Variants in LIPE observed in about 807,000 individuals in gnomAD.
The protein encoded by LIPE is lipase E, hormone sensitive type, also known as hormone-sensitive lipase.
Under a neutral mutation model 88.5 loss-of-function variants are expected in LIPE, and 66 were observed. That is an observed-to-expected ratio of 0.75 (90% confidence interval 0.61 to 0.91). The LOEUF is 0.91. Ranked by LOEUF, LIPE falls within the 40% of genes least tolerant of loss-of-function variation. The probability of loss-of-function intolerance (pLI) is 0.00; values close to 1 mark genes in which losing one functional copy is unlikely to be tolerated. For missense variants in LIPE, 1,346 were observed against 1,434.7 expected, an observed-to-expected ratio of 0.94 and a Z score of 1.00; for synonymous variants, 570 against 617.5, an observed-to-expected ratio of 0.92 and a Z score of 1.14.
chr19:42,407,707 C>T lies in LIPE; in HGVS notation c.1741G>A (p.Ala581Thr). 1 of 1,585,262 alleles carries T rather than the reference C, an allele frequency of 6.3e-7. No individual in the cohort carries two copies. Among genetic ancestry groups the T allele is most frequent in the African/African-American group, 1.4e-5 (1 of 73,992 alleles). Residue 581 changes from alanine to threonine, a missense_variant, in exon 5 of 10, where the codon GCC becomes ACC. By Grantham distance (58) the Ala-to-Thr change is moderately conservative (BLOSUM62 0). Transcript: ENST00000244289. The surrounding 1 kb of genome is among the most constrained non-coding windows in gnomAD (Gnocchi z 5.8). ...PPEAFEMPLTADPTLTVTISP... is the reference protein window; with the variant it reads ...PPEAFEMPLTTDPTLTVTISP... Reference sequence around the variant, plus strand: ...ATGGTGACCGTGAGCGTGGGGTCGGCAGTCAGTGGCATCTCAAAGGCTTCG... The same window carrying T: ...ATGGTGACCGTGAGCGTGGGGTCGGTAGTCAGTGGCATCTCAAAGGCTTCG...
In LIPE at chr19:42,403,984, A is replaced by G. The variant is rs558910528; in HGVS notation, c.2543-953T>C. Among the ~76,000 whole-genome samples, 137 of 152,180 alleles carry G rather than the reference A, an allele frequency of 9.0e-4. 1 individual carries two copies. The highest frequency in any genetic ancestry group is 3.2e-3 in the African/African-American group (131 of 41,530). ...CACTTCCAGCCCACCTGGCGTGCCCAGCTTGGCCTCAGCTCTGTTCATTTT... is the reference window on the plus strand; with the variant it reads ...CACTTCCAGCCCACCTGGCGTGCCCGGCTTGGCCTCAGCTCTGTTCATTTT... On this transcript the variant is annotated intron_variant, in intron 8 of 9. Transcript: ENST00000244289.
chr19:42,426,368 C>T lies in LIPE; in HGVS notation c.782G>A (p.Gly261Asp). Residue 261 changes from glycine to aspartate, a missense_variant, in exon 1 of 10, where the codon GGC (glycine) becomes GAC (aspartate). By Grantham distance (94) the Gly-to-Asp change is moderately conservative. Transcript: ENST00000244289. ...TTTATAACCAGATTTTCCTTTGAAG[C>T]CTAGCTTCACTCCCTGGGCCACCAT... is the stretch of plus-strand genomic sequence containing the variant. Reference protein sequence around the residue: ...GGMVAQGVKLGFKGKSGYKVM... With the variant: ...GGMVAQGVKLDFKGKSGYKVM... 2.5e-6 allele frequency: 4 copies of T among 1,614,010 alleles called. No homozygotes were observed. Among genetic ancestry groups the T allele is most frequent in the East Asian group, 2.2e-5 (1 of 44,874 alleles).
In LIPE at chr19:42,406,219, G is replaced by T; in HGVS notation, c.2307C>A (p.Ser769Arg). 6.2e-7 allele frequency: 1 copy of T among 1,613,882 alleles called. No homozygotes were observed. Among genetic ancestry groups the T allele is most frequent in the South Asian group, 1.1e-5 (1 of 91,060 alleles). ...TGAGGGGCAGCAAGGGGTCCATGAGGCTCAGCAGGCGGGAGGGAGAGGCGG... is the reference window on the plus strand; with the variant it reads ...TGAGGGGCAGCAAGGGGTCCATGAGTCTCAGCAGGCGGGAGGGAGAGGCGG... ...QPAASPSRLL[S>R]LMDPLLPLSV... Residue 769 changes from serine (S) to arginine (R), a missense_variant, in exon 7 of 10, where the codon AGC (serine) becomes AGA (arginine). Transcript: ENST00000244289. This position sits in a 1 kb window ranked among gnomAD's most constrained non-coding sequence, Gnocchi z 5.7.
At chr19:42,424,010 G>C (rs950355448) in intron 1 of LIPE, 65 of 1,178,628 alleles carry the variant, frequency 5.5e-5, no homozygotes, top group East Asian at 1.8e-4. Context: ...TGCCTGGGGT[G>C]GGGGCGGGCC....
At position 42,426,692 on chromosome 19, in the gene LIPE, G is replaced by A. The variant is rs758753124; in HGVS notation, c.458C>T (p.Ala153Val). ...PGEPPPAQQE[A>V]ESTPAAQAKP... is the part of the protein sequence containing the mutation. Reference sequence around the variant, plus strand: ...AGCCTGGGCCGCAGGTGTTGATTCAGCTTCTTGTTGAGCTGGAGGTGGCTC... The same window carrying A: ...AGCCTGGGCCGCAGGTGTTGATTCAACTTCTTGTTGAGCTGGAGGTGGCTC... The change falls in exon 1 of 10, where the codon GCT becomes GTT. Residue 153 changes from alanine (A) to valine (V), a missense_variant. Transcript: ENST00000244289. 7.4e-6 allele frequency: 12 copies of A among 1,614,098 alleles called. No homozygotes were observed. Among genetic ancestry groups the A allele is most frequent in the Non-Finnish European group, 1.0e-5 (12 of 1,180,046 alleles).
At chr19:42,412,150 T>G in intron 1 of LIPE, 1 of 421,926 alleles carries the variant, frequency 2.4e-6, no homozygotes, top group South Asian at 9.8e-5. Context: ...TCTGATATCC[T>G]TTCCCAGCCA....
chr19:42,409,299 C>T (rs772497494), intron 2 of LIPE, among the ~76,000 whole-genome samples: 15 of 151,702 alleles, frequency 9.9e-5, no homozygotes, highest in Non-Finnish European at 1.8e-4. Context: ...TGCCTGTAAA[C>T]CCAGTACTTT....
In LIPE at chr19:42,426,416, T is replaced by C. The variant is rs768488147; in HGVS notation, c.734A>G (p.Asp245Gly). Reference sequence around the variant, plus strand: ...CATTCCACCCATCGTGGCTGGAGAATCTGTGTCTGAAGATGATCCCACATC... The same window carrying C: ...CATTCCACCCATCGTGGCTGGAGAACCTGTGTCTGAAGATGATCCCACATC... The part of the protein sequence containing the change: ...ESDVGSSSDT[D>G]SPATMGGMVA... Residue 245 changes from aspartate to glycine, a missense_variant, in exon 1 of 10, where the codon GAT (aspartate) becomes GGT (glycine). Transcript: ENST00000244289. 7 of 1,614,144 alleles carry C rather than the reference T, an allele frequency of 4.3e-6. 1 individual carries two copies. The South Asian group carries it at 4.4e-5, about 10-fold the overall frequency.
In LIPE at chr19:42,404,232, T is replaced by G. The variant is rs149967214; in HGVS notation, c.2542+1153A>C. Among the ~76,000 whole-genome samples, 613 of 151,660 alleles carry G rather than the reference T, an allele frequency of 4.0e-3. 2 individuals are homozygous for G. The highest frequency in any genetic ancestry group is 0.02 in the Middle Eastern group (6 of 294). The stretch of plus-strand genomic sequence containing the variant: ...GGCATGCCACCATGTCCAGCTACTT[T>G]TTGTATTTTTTTTTTTTTTGAGACA... On this transcript the variant is annotated intron_variant, in intron 8 of 9. Coordinates refer to ENST00000244289, the MANE Select transcript of LIPE (RefSeq NM_005357.4).
chr19:42,412,558 C>G, intron 1 of LIPE: 1 of 986,580 alleles, frequency 1.0e-6, no homozygotes, highest in Non-Finnish European at 1.2e-6. Context: ...GCTCCCTGCT[C>G]TGCCCCCCAC....
chr19:42,405,309 C>T, intron 8 of LIPE, 76 bp downstream of exon 8: 1 of 1,468,296 alleles, frequency 6.8e-7, no homozygotes, highest in Non-Finnish European at 9.2e-7. Flanking sequence ...CCAGCATCTT[C>T]CCTGGGACTT....
At chr19:42,415,022 A>C (rs1399121146) in intron 1 of LIPE, among the ~76,000 whole-genome samples, 1 of 152,000 alleles carries the variant, frequency 6.6e-6, no homozygotes, top group Non-Finnish European at 1.5e-5. Context: ...ACTTGAGGTC[A>C]GGAGGTTGAG....
At chr19:42,415,411 A>G (rs750459069) in intron 1 of LIPE, among the ~76,000 whole-genome samples, 7 of 152,238 alleles carry the variant, frequency 4.6e-5, no homozygotes, top group Non-Finnish European at 1.0e-4. Context: ...GAAACGGGCT[A>G]AAAACTAGGC....
intron 1 of LIPE, among the ~76,000 whole-genome samples, chr19:42,419,483 G>A (rs952588867): frequency 1.3e-5 from 2 of 152,156 alleles, no homozygotes; most frequent in African/African-American, 2.4e-5. Context: ...CCAGCAACTC[G>A]CCAGGAATCC....
intron 2 of LIPE, among the ~76,000 whole-genome samples, chr19:42,409,866 AAGGGAAGCCTGG>A (rs1023300347): frequency 1.9e-4 from 29 of 152,190 alleles, no homozygotes; most frequent in Non-Finnish European, 4.1e-4. Context: ...GGCTAGCCTG[AAGGGAAGCCTGG>A]AGATGTGGGG....
At position 42,401,867 on chromosome 19, in the gene LIPE, G is replaced by A. The variant is rs1188072953; in HGVS notation, c.3176C>T (p.Pro1059Leu). ...CCCCGCAGCCCCCGTCTCCCCGCTCGGCCCGGCTCCGGCGGGAGGAGTGAG... is the reference window on the plus strand; with the variant it reads ...CCCCGCAGCCCCCGTCTCCCCGCTCAGCCCGGCTCCGGCGGGAGGAGTGAG... ...LVLTPPAGAG[P>L]SGETGAAGVD... Residue 1059 changes from proline (P) to leucine (L), a missense_variant, in exon 10 of 10, where the codon CCG becomes CTG. Physicochemically the swap from Pro to Leu is moderately conservative, Grantham distance 98. Coordinates refer to ENST00000244289, the MANE Select transcript of LIPE (RefSeq NM_005357.4). The A allele has an allele frequency of 2.8e-6, 4 of 1,451,266 alleles. No homozygotes were observed. The Admixed American group carries it at 8.6e-5, about 31-fold the overall frequency. 89.9% of individuals were successfully genotyped at this position (1,451,266 alleles called of 1,614,324 possible). A position where few individuals can be genotyped will look rare whatever the true frequency, so the allele number is the denominator to read the frequency against.
Position 42,410,369 on chromosome 19 carries a change from A to T in LIPE, c.1357T>A (p.Phe453Ile), listed in dbSNP as rs1213595436. The change falls in exon 2 of 10, where the codon TTC (phenylalanine) becomes ATC (isoleucine). Residue 453 changes from phenylalanine (F) to isoleucine (I), a missense_variant. Transcript: ENST00000244289. This position sits in a 1 kb window ranked among gnomAD's most constrained non-coding sequence, Gnocchi z 6.1. ...TGCAGCGTGACATACTCCCGGAGGA[A>T]GTCGGCGGTGAGCCCCTCGTCGCCC... ...FEGDEGLTADFLREYVTLHKG... is the reference protein window; with the variant it reads ...FEGDEGLTADILREYVTLHKG... 6.2e-7 allele frequency: 1 copy of T among 1,613,950 alleles called. No homozygotes were observed.
intron 1 of LIPE, chr19:42,424,318 A>G (rs1467387645): frequency 2.2e-6 from 1 of 459,462 alleles, no homozygotes; most frequent in African/African-American, 2.0e-5. Flanking sequence ...GGCGGGAAAC[A>G]GAGGAGGCTC....
chr19:42,402,208 G>A (rs1300202395), intron 9 of LIPE, 133 bp from the exon 10 acceptor site: 1 of 857,072 alleles, frequency 1.2e-6, no homozygotes, highest in Non-Finnish European at 1.7e-6. Flanking sequence ...GGAGGCAGGA[G>A]ACATGGTGGG....
Sources: allele counts gnomAD v4.1 joint callset (sites outside exome capture counted in the v4.1 genomes callset), GRCh38; gene constraint gnomAD v4.1.1; non-coding constraint Gnocchi (gnomAD v3.1); transcripts MANE v1.5; gene names NCBI Gene and HGNC (gene_info 2026-07-23, HGNC 2026-07-21).